ARAP1: variants seen among roughly 807,000 people sequenced by gnomAD.
ARAP1 encodes ArfGAP with RhoGAP domain, ankyrin repeat and PH domain 1, also known as arf-GAP with Rho-GAP domain, ANK repeat and PH domain-containing protein 1.
In ARAP1, 76 loss-of-function variants were observed where a neutral mutation model predicts 172.2. That is an observed-to-expected ratio of 0.44 (90% CI 0.37 to 0.53). The LOEUF (loss-of-function observed/expected upper bound fraction) is 0.53, where lower values mean the gene tolerates loss of function less well. Among genes scored for constraint, ARAP1 ranks in the 20% least tolerant of loss-of-function variants. The probability of loss-of-function intolerance (pLI) is 0.00; values close to 1 mark genes in which losing one functional copy is unlikely to be tolerated. For synonymous variants in ARAP1, 804 were observed against 803.3 expected (o/e 1.00, Z -0.01); for missense variants, 1,686 against 1,977.5 (o/e 0.85, Z 2.80).
At chr11:72,688,741 C>T in intron 30 of ARAP1, 1 of 558,092 alleles carries the variant, frequency 1.8e-6, no homozygotes. Context: ...GCCCCCAAGG[C>T]CTGTCTCCCT....
chr11:72,715,493 T>C (rs1329566361), intron 3 of ARAP1, among the ~76,000 whole-genome samples: 1 of 151,856 alleles, frequency 6.6e-6, no homozygotes, highest in Non-Finnish European at 1.5e-5. Flanking sequence ...GCCAGGCCTT[T>C]CCTCCTGCTG....
intron 7 of ARAP1, 48 bp downstream of exon 7, chr11:72,712,148 C>T (rs1027779280): frequency 5.3e-5 from 80 of 1,508,628 alleles, no homozygotes; most frequent in Non-Finnish European, 6.7e-5. Context: ...GACACTGCCC[C>T]CCACCCCCCC....
At chr11:72,747,816 A>G (rs547409008) in intron 1 of ARAP1, among the ~76,000 whole-genome samples, 1 of 152,340 alleles carries the variant, frequency 6.6e-6, no homozygotes, top group Non-Finnish European at 1.5e-5. Context: ...TCCCGTCTGC[A>G]AGCAGGATAC....
chr11:72,693,950 C>CTTTTTT lies in ARAP1; in HGVS notation c.3695-146_3695-145insAAAAAA. 1.6e-6 allele frequency: 1 copy of CTTTTTT among 642,034 alleles called. No individual in the cohort carries two copies. The highest frequency in any genetic ancestry group is 3.0e-5 in the East Asian group (1 of 33,462). The allele number at this position is 642,034 out of a possible 1,614,324, so 39.8% of individuals were successfully genotyped here. ...CGACACAAAACACCACCATCATGAC[C>CTTTTTT]ACCCTTCCCATGACCAAGCTTCAGG... On this transcript the variant is annotated intron_variant, in intron 27 of 34. Coordinates refer to ENST00000393609, the MANE Select transcript of ARAP1 (RefSeq NM_001040118.3). This position sits in a 1 kb window ranked among gnomAD's most constrained non-coding sequence, Gnocchi z 4.6.
chr11:72,706,556 T>G (rs991351887), intron 12 of ARAP1, among the ~76,000 whole-genome samples: 4 of 152,160 alleles, frequency 2.6e-5, no homozygotes, highest in Admixed American at 1.3e-4. Context: ...CCTCTCGCAT[T>G]TCATCTTCCT....
rs1448815905 is a variant in ARAP1, at chr11:72,699,168, C to T, written c.2439-61G>A. On this transcript the variant is annotated intron_variant, in intron 17 of 34. Coordinates refer to ENST00000393609, the MANE Select transcript of ARAP1 (RefSeq NM_001040118.3). The surrounding 1 kb of genome is among the most constrained non-coding windows in gnomAD (Gnocchi z 4.2). The stretch of plus-strand genomic sequence containing the variant: ...ATCCAGCACGGGCCCACCCCCAACC[C>T]GCACCATCAACCGCCATCCTCTGCC... The T allele has an allele frequency of 2.5e-5, 39 of 1,565,426 alleles. No homozygotes were observed. The highest frequency in any genetic ancestry group is 4.5e-5 in the East Asian group (2 of 44,592).
chr11:72,706,996 C>T (rs923445795), intron 12 of ARAP1, among the ~76,000 whole-genome samples, 179 bp downstream of exon 12: 1 of 152,216 alleles, frequency 6.6e-6, no homozygotes, highest in Non-Finnish European at 1.5e-5. Context: ...AGAAGTTGAA[C>T]CCCTGCCTGG....
At chr11:72,748,147 T>G (rs959733415) in intron 1 of ARAP1, among the ~76,000 whole-genome samples, 4 of 152,192 alleles carry the variant, frequency 2.6e-5, no homozygotes, top group African/African-American at 9.7e-5. Context: ...ATTCAGTATA[T>G]AAAGTGCTTA....
intron 33 of ARAP1, 170 bp downstream of exon 33, chr11:72,687,269 C>T (rs1328254652): frequency 1.2e-6 from 1 of 831,602 alleles, no homozygotes; most frequent in African/African-American, 1.7e-5. Context: ...GCTGGACTAA[C>T]AGTAGGTGCT....
At chr11:72,716,442 G>T (rs1016169232) in intron 3 of ARAP1, among the ~76,000 whole-genome samples, 6 of 152,256 alleles carry the variant, frequency 3.9e-5, no homozygotes, top group African/African-American at 1.4e-4. Flanking sequence ...AAACGGTGGC[G>T]TGTCAGCCCT....
At chr11:72,720,634 T>C (rs10898868) in intron 3 of ARAP1, among the ~76,000 whole-genome samples, 50,978 of 151,976 alleles carry the variant, frequency 0.34, 8,911 homozygotes, top group South Asian at 0.43. Context: ...CATACAGCAG[T>C]GCCCAGTTAA....
intron 1 of ARAP1, among the ~76,000 whole-genome samples, chr11:72,736,409 A>C (rs577864654): frequency 6.6e-6 from 1 of 151,932 alleles, no homozygotes; most frequent in East Asian, 1.9e-4. Flanking sequence ...AACCCAGCTA[A>C]TTACTGAGCT....
Position 72,699,233 on chromosome 11 carries a change from C to A in ARAP1, c.2439-126G>T. ...TTGGCGCTTGTCCTTATTCTGGTCC[C>A]CTAAGAGGTGGTGGAAAAGTCTTGG... On this transcript the variant is annotated intron_variant, in intron 17 of 34. Coordinates refer to ENST00000393609, the MANE Select transcript of ARAP1 (RefSeq NM_001040118.3). This position sits in a 1 kb window ranked among gnomAD's most constrained non-coding sequence, Gnocchi z 4.2. 2 of 1,382,690 alleles carry A rather than the reference C, an allele frequency of 1.4e-6. No homozygotes were observed. The highest frequency in any genetic ancestry group is 2.4e-5 in the East Asian group (1 of 42,096). The allele number at this position is 1,382,690 out of a possible 1,614,324, so 85.7% of individuals were successfully genotyped here. A position where few individuals can be genotyped will look rare whatever the true frequency, so the allele number is the denominator to read the frequency against.
rs867573036 is a variant in ARAP1, at chr11:72,697,365, G to C, written c.2911C>G (p.Pro971Ala). Residue 971 changes from proline (P) to alanine (A), a missense_variant, in exon 21 of 35, where the codon CCG (proline) becomes GCG (alanine). Physicochemically the swap from Pro to Ala is conservative, Grantham distance 27 (BLOSUM62 -1). Transcript: ENST00000393609. ...SEQQLGDSDIPVIVYRCVDYI... is the reference protein window; with the variant it reads ...SEQQLGDSDIAVIVYRCVDYI... ...TCCACACAGCGGTACACGATCACCG[G>C]GATATCCGAGTCCCCAAGCTGCTGC... is the stretch of plus-strand genomic sequence containing the variant. 2 of 1,605,286 alleles carry C rather than the reference G, an allele frequency of 1.2e-6. No homozygotes were observed. The highest frequency in any genetic ancestry group is 8.5e-7 in the Non-Finnish European group (1 of 1,176,262).
At chr11:72,705,914 G>C (rs1856736794) in intron 12 of ARAP1, 24 bp from the exon 13 acceptor site, 1 of 1,612,328 alleles carries the variant, frequency 6.2e-7, no homozygotes. Context: ...GCCAGACCCA[G>C]AATCACCTGG....
At chr11:72,724,418 A>G (rs1245992160) in intron 3 of ARAP1, among the ~76,000 whole-genome samples, 1 of 152,090 alleles carries the variant, frequency 6.6e-6, no homozygotes, top group Non-Finnish European at 1.5e-5. Context: ...CCATGTCATG[A>G]GACACTGTGA....
intron 1 of ARAP1, among the ~76,000 whole-genome samples, chr11:72,749,688 C>T (rs1458556679): frequency 6.6e-6 from 1 of 151,966 alleles, no homozygotes; most frequent in Non-Finnish European, 1.5e-5. Flanking sequence ...TTGAGACCAT[C>T]CTGGCTAACA....
At chr11:72,709,250 T>TA (rs978090870) in intron 11 of ARAP1, among the ~76,000 whole-genome samples, 48 of 152,116 alleles carry the variant, frequency 3.2e-4, no homozygotes, top group African/African-American at 1.1e-3. Flanking sequence ...TGCTAGTGTT[T>TA]ATTGAGCAGT....
intron 11 of ARAP1, among the ~76,000 whole-genome samples, chr11:72,709,063 A>C (rs1202307418): frequency 6.6e-6 from 1 of 151,412 alleles, no homozygotes; most frequent in Non-Finnish European, 1.5e-5. Flanking sequence ...AAAAAAAAAA[A>C]AGGAAAGGCA....
Sources: allele counts gnomAD v4.1 joint callset (sites outside exome capture counted in the v4.1 genomes callset), GRCh38; gene constraint gnomAD v4.1.1; non-coding constraint Gnocchi (gnomAD v3.1); transcripts MANE v1.5; gene names NCBI Gene and HGNC (gene_info 2026-07-23, HGNC 2026-07-21).